MFHAS1: variants seen among roughly 807,000 people sequenced by gnomAD.
MFHAS1 encodes multifunctional ROCO family signaling regulator 1.
In MFHAS1, 50 loss-of-function variants were observed where a neutral mutation model predicts 70.4. That is an observed-to-expected ratio of 0.71 (90% CI 0.57 to 0.90). MFHAS1 has a LOEUF of 0.90. MFHAS1 is among the 40% of genes least tolerant of loss of function. The pLI is 0.00. For synonymous variants in MFHAS1, 952 were observed against 620.0 expected (o/e 1.54, Z -7.96); for missense variants, 1,795 against 1,347.6 (o/e 1.33, Z -5.20).
chr8:8,880,855 T>G (rs749785824), intron 1 of MFHAS1, among the ~76,000 whole-genome samples: 1 of 152,036 alleles, frequency 6.6e-6, no homozygotes, highest in East Asian at 1.9e-4. Context: ...TGGCTAATTT[T>G]TGTATTTTTA....
chr8:8,812,462 A>G (rs1355140287), intron 1 of MFHAS1, among the ~76,000 whole-genome samples: 2 of 152,262 alleles, frequency 1.3e-5, no homozygotes, highest in East Asian at 1.9e-4. Context: ...TCCTGGCACC[A>G]CAGCCTGGAA....
chr8:8,875,571 C>T (rs1407944300), intron 1 of MFHAS1, among the ~76,000 whole-genome samples: 1 of 151,990 alleles, frequency 6.6e-6, no homozygotes, highest in African/African-American at 2.4e-5. Flanking sequence ...CCATGAGAAA[C>T]TTTTTTTTCT....
At chr8:8,828,691 A>C (rs1363930504) in intron 1 of MFHAS1, among the ~76,000 whole-genome samples, 1 of 152,180 alleles carries the variant, frequency 6.6e-6, no homozygotes, top group African/African-American at 2.4e-5. Flanking sequence ...CTGCCCACTA[A>C]GCAGTGACAC....
chr8:8,892,460 A>C lies in MFHAS1; in HGVS notation c.599T>G (p.Leu200Arg), dbSNP rs772520695. Residue 200 changes from leucine to arginine, a missense_variant, in exon 1 of 3, where the codon CTG (leucine) becomes CGG (arginine). Transcript: ENST00000276282. The surrounding 1 kb of genome is among the most constrained non-coding windows in gnomAD (Gnocchi z 4.7). ...HNQLTAFPRQLLQLVALEELD... is the reference protein window; with the variant it reads ...HNQLTAFPRQRLQLVALEELD... ...CTCCTCCAGGGCCACCAGCTGCAGC[A>C]GCTGCCGGGGGAAGGCAGTGAGCTG... The C allele has an allele frequency of 3.1e-6, 5 of 1,609,864 alleles. No individual in the cohort carries two copies. In the African/African-American group the frequency reaches 4.0e-5, roughly 13 times the overall value.
intron 1 of MFHAS1, among the ~76,000 whole-genome samples, chr8:8,841,240 C>A (rs559422060): frequency 6.6e-6 from 1 of 151,928 alleles, no homozygotes; most frequent in African/African-American, 2.4e-5. Context: ...TTTGGGAGGC[C>A]GAGGCAGGCG....
Position 8,840,020 on chromosome 8 carries a change from G to A in MFHAS1, c.2999-42529C>T, listed in dbSNP as rs74561495. On this transcript the variant is annotated intron_variant, in intron 1 of 2. Transcript: ENST00000276282. ...TTCTAGTAAATGGATATACATATAC[G>A]TATATATACACATATATGTTTGTAC... 6.0e-3 allele frequency among the ~76,000 whole-genome samples: 918 copies of A among 152,194 alleles called. 11 individuals are homozygous for A. Among genetic ancestry groups the A allele is most frequent in the African/African-American group, 0.022 (893 of 41,516 alleles).
intron 1 of MFHAS1, among the ~76,000 whole-genome samples, chr8:8,802,556 T>TA (rs1806118439): frequency 6.6e-6 from 1 of 152,210 alleles, no homozygotes; most frequent in African/African-American, 2.4e-5. Flanking sequence ...ATCTTGGACT[T>TA]ACCAACCTCC....
chr8:8,883,707 C>CAAAAAAAAAAA (rs35799658), intron 1 of MFHAS1, among the ~76,000 whole-genome samples: 15 of 29,580 alleles, frequency 5.1e-4, no homozygotes, highest in East Asian at 2.0e-3. Context: ...GACTCAGTCT[C>CAAAAAAAAAAA]AAAAAAAAAA....
At chr8:8,876,962 T>C (rs570145185) in intron 1 of MFHAS1, among the ~76,000 whole-genome samples, 1 of 150,592 alleles carries the variant, frequency 6.6e-6, no homozygotes, top group Admixed American at 6.6e-5. Flanking sequence ...GAAACCACTG[T>C]CATAGTGCGG....
chr8:8,822,987 G>A (rs1342207447), intron 1 of MFHAS1, among the ~76,000 whole-genome samples: 1 of 152,104 alleles, frequency 6.6e-6, no homozygotes, highest in Non-Finnish European at 1.5e-5. Context: ...GCCAGGCATG[G>A]GATCCCGCAC....
At chr8:8,803,836 G>A (rs149011093) in intron 1 of MFHAS1, among the ~76,000 whole-genome samples, 3 of 152,066 alleles carry the variant, frequency 2.0e-5, no homozygotes, top group East Asian at 1.9e-4. Flanking sequence ...GCGGGGCATC[G>A]TGGCACATGC....
At chr8:8,810,351 G>T (rs1390364751) in intron 1 of MFHAS1, among the ~76,000 whole-genome samples, 1 of 152,168 alleles carries the variant, frequency 6.6e-6, no homozygotes, top group African/African-American at 2.4e-5. Context: ...GGGCGGCAAA[G>T]CAAGACCGTC....
chr8:8,814,979 C>A (rs1370800304), intron 1 of MFHAS1, among the ~76,000 whole-genome samples: 1 of 151,906 alleles, frequency 6.6e-6, no homozygotes, highest in East Asian at 1.9e-4. Context: ...GTATTAAGCC[C>A]AGCATCCATT....
intron 1 of MFHAS1, among the ~76,000 whole-genome samples, chr8:8,841,053 A>C (rs1468916083): frequency 1.3e-5 from 2 of 152,218 alleles, no homozygotes; most frequent in Non-Finnish European, 2.9e-5. Flanking sequence ...ATAAGTAAAA[A>C]ATAATAAAAT....
At chr8:8,847,353 TG>T (rs1450447070) in intron 1 of MFHAS1, among the ~76,000 whole-genome samples, 1 of 152,202 alleles carries the variant, frequency 6.6e-6, no homozygotes, top group Non-Finnish European at 1.5e-5. Flanking sequence ...AGCTAATTTT[TG>T]TATTTTTAGT....
At chr8:8,882,219 T>TA (rs568478411) in intron 1 of MFHAS1, among the ~76,000 whole-genome samples, 184 of 150,484 alleles carry the variant, frequency 1.2e-3, no homozygotes, top group African/African-American at 2.0e-3. Context: ...CCATCTCTAC[T>TA]AAAAAAAAAC....
intron 1 of MFHAS1, among the ~76,000 whole-genome samples, chr8:8,802,485 G>A (rs971593992): frequency 1.3e-5 from 2 of 152,200 alleles, no homozygotes; most frequent in Admixed American, 6.5e-5. Flanking sequence ...AGGACATGGC[G>A]AGAAGACACC....
chr8:8,890,530 C>T lies in MFHAS1; in HGVS notation c.2529G>A (p.Gly843=). The part of the protein sequence containing the change: ...LNKPKGKPLN[G]STAWYKFPCY... ...ATGGGAACTTGTACCAAGCTGTGGACCCATTCAAAGGCTTGCCCTTGGGTT... is the reference window on the plus strand; with the variant it reads ...ATGGGAACTTGTACCAAGCTGTGGATCCATTCAAAGGCTTGCCCTTGGGTT... The change falls in exon 1 of 3, where the codon GGG becomes GGA. Residue 843 remains glycine (G), a synonymous_variant. Coordinates refer to ENST00000276282, the MANE Select transcript of MFHAS1 (RefSeq NM_004225.3). The T allele has an allele frequency of 6.2e-7, 1 of 1,613,446 alleles. No homozygotes were observed. Among genetic ancestry groups the T allele is most frequent in the African/African-American group, 1.3e-5 (1 of 75,072 alleles).
intron 1 of MFHAS1, among the ~76,000 whole-genome samples, chr8:8,814,332 C>T (rs1229601292): frequency 1.3e-5 from 2 of 152,190 alleles, no homozygotes; most frequent in African/African-American, 2.4e-5. Flanking sequence ...TCACAATATT[C>T]AGTACAGTCA....
Sources: allele counts gnomAD v4.1 joint callset (sites outside exome capture counted in the v4.1 genomes callset), GRCh38; gene constraint gnomAD v4.1.1; non-coding constraint Gnocchi (gnomAD v3.1); transcripts MANE v1.5; gene names NCBI Gene and HGNC (gene_info 2026-07-23, HGNC 2026-07-21).